The following AFF3 variants were observed in gnomAD, a reference collection of about 807,000 sequenced individuals.
AFF3 encodes AF4/FMR2 family member 3.
In AFF3, 32 loss-of-function variants were observed where a neutral mutation model predicts 129.7. The observed-to-expected ratio is 0.25, with a 90% CI of 0.19 to 0.33. The LOEUF (loss-of-function observed/expected upper bound fraction) is 0.33, where lower values mean the gene tolerates loss of function less well. Ranked by LOEUF, AFF3 falls within the 10% of genes least tolerant of loss-of-function variation. The pLI, the probability that AFF3 is intolerant of heterozygous loss-of-function variation, is 1.00. For missense variants in AFF3, 1,373 were observed against 1,592.0 expected (o/e 0.86, Z 2.34); for synonymous variants, 644 against 635.4 (o/e 1.01, Z -0.20).
intron 8 of AFF3, among the ~76,000 whole-genome samples, chr2:99,766,560 TTCTC>T (rs1226760272): frequency 1.3e-5 from 2 of 152,214 alleles, no homozygotes; most frequent in Non-Finnish European, 2.9e-5. Context: ...TTTCTTTTCT[TTCTC>T]CTTTTTCAGA....
chr2:99,633,937 T>C (rs1683369604), intron 13 of AFF3, among the ~76,000 whole-genome samples: 1 of 136,378 alleles, frequency 7.3e-6, no homozygotes, highest in East Asian at 2.2e-4. Flanking sequence ...TTTTTTGAGA[T>C]GGAGTCTCGC....
chr2:100,121,147 A>G (rs1287926531), intron 2 of AFF3, among the ~76,000 whole-genome samples: 2 of 152,186 alleles, frequency 1.3e-5, no homozygotes, highest in African/African-American at 4.8e-5. Context: ...CCACAGCCCA[A>G]AGTGAGAACT....
At chr2:99,585,053 G>A (rs932617713) in intron 16 of AFF3, among the ~76,000 whole-genome samples, 4 of 152,206 alleles carry the variant, frequency 2.6e-5, no homozygotes, top group Non-Finnish European at 5.9e-5. Context: ...GCTGTGTCAC[G>A]CAAAAGTGCT....
chr2:100,026,322 G>T (rs1019501031), intron 4 of AFF3, among the ~76,000 whole-genome samples: 5 of 152,120 alleles, frequency 3.3e-5, no homozygotes, highest in South Asian at 2.1e-4. Flanking sequence ...AATGATCAGG[G>T]AAATGCAAAT....
rs748447630 is a variant in AFF3 at position 100,006,638 on chromosome 2, C to A, written c.867G>T (p.Gln289His). ...AKLSKFSIPK[Q>H]GEESRSGETN... ...GGTGCTGATAAAGACTCACCTCCCC[C>A]TGCTTGGGGATGCTGAACTTGGAGA... Residue 289 changes from glutamine (Q) to histidine (H), a missense_variant, in exon 7 of 25, where the codon CAG (glutamine) becomes CAT (histidine). Physicochemically the swap from Gln to His is conservative, Grantham distance 24 (BLOSUM62 0). Transcript: ENST00000672756. The A allele has an allele frequency of 2.4e-5, 39 of 1,605,046 alleles. No homozygotes were observed. The highest frequency in any genetic ancestry group is 3.2e-5 in the Non-Finnish European group (38 of 1,172,894).
chr2:99,884,573 AT>A (rs10716607), intron 7 of AFF3, among the ~76,000 whole-genome samples: 65,613 of 150,896 alleles, frequency 0.43, 14,552 homozygotes, highest in East Asian at 0.52. Context: ...TAATTTTTGT[AT>A]TTTTTTTTTG....
chr2:99,884,016 T>C (rs1160860083), intron 7 of AFF3, among the ~76,000 whole-genome samples: 1 of 152,194 alleles, frequency 6.6e-6, no homozygotes, highest in African/African-American at 2.4e-5. Flanking sequence ...AGGAAATTTG[T>C]GTGCAGTCAC....
At chr2:100,066,037 G>A (rs774118407) in intron 4 of AFF3, among the ~76,000 whole-genome samples, 6 of 152,202 alleles carry the variant, frequency 3.9e-5, no homozygotes, top group Non-Finnish European at 7.3e-5. Flanking sequence ...ATATAGTGGT[G>A]AAATTCCCAA....
chr2:100,028,897 C>G (rs1020512163), intron 4 of AFF3, among the ~76,000 whole-genome samples: 7 of 152,082 alleles, frequency 4.6e-5, no homozygotes, highest in Admixed American at 1.3e-4. Context: ...TAATATGATT[C>G]AATAATCCTC....
chr2:100,093,471 T>C (rs1690035304), intron 4 of AFF3, among the ~76,000 whole-genome samples: 1 of 152,038 alleles, frequency 6.6e-6, no homozygotes, highest in Non-Finnish European at 1.5e-5. Flanking sequence ...TTTATGTAAC[T>C]AATTATTTAC....
At chr2:100,083,666 T>C (rs1559113590) in intron 4 of AFF3, among the ~76,000 whole-genome samples, 1 of 152,102 alleles carries the variant, frequency 6.6e-6, no homozygotes, top group Non-Finnish European at 1.5e-5. Context: ...ACGGCTGCCT[T>C]TGGGAGTCTG....
chr2:100,052,810 A>G (rs1347260121), intron 4 of AFF3, among the ~76,000 whole-genome samples: 2 of 152,268 alleles, frequency 1.3e-5, no homozygotes, highest in Non-Finnish European at 2.9e-5. Context: ...AGGGCAGGAC[A>G]GGGCGCTGCA....
In AFF3 at chr2:99,781,755, G is replaced by A. The variant is rs555043551; in HGVS notation, c.922-29454C>T. The stretch of plus-strand genomic sequence containing the variant: ...ACATTTGCTCGATGAATAAATGAAT[G>A]AATGAATGAAATAAAAGAAGAAACC... On this transcript the variant is annotated intron_variant, in intron 8 of 24. Coordinates refer to ENST00000672756, the MANE Select transcript of AFF3 (RefSeq NM_001386135.1). Among the ~76,000 whole-genome samples the A allele has an allele frequency of 2.0e-5, 3 of 152,286 alleles. No homozygotes were observed. The East Asian group carries it at 5.8e-4, about 29-fold the overall frequency.
chr2:99,764,799 C>T (rs945188996), intron 8 of AFF3, among the ~76,000 whole-genome samples: 4 of 152,146 alleles, frequency 2.6e-5, no homozygotes, highest in Admixed American at 6.5e-5. Context: ...AACTTCACCA[C>T]GGAGTCCCTG....
intron 11 of AFF3, among the ~76,000 whole-genome samples, chr2:99,724,249 T>TCA (rs1490227354): frequency 1.4e-5 from 2 of 140,432 alleles, no homozygotes; most frequent in Non-Finnish European, 3.0e-5. Context: ...CTCTAACTCC[T>TCA]CACTTCAGTG....
At chr2:99,623,355 T>C (rs1310174535) in intron 13 of AFF3, among the ~76,000 whole-genome samples, 1 of 152,124 alleles carries the variant, frequency 6.6e-6, no homozygotes, top group Non-Finnish European at 1.5e-5. Context: ...TCTTCTATGG[T>C]CTGTCAATTG....
intron 7 of AFF3, among the ~76,000 whole-genome samples, chr2:99,869,019 G>T (rs2105951816): frequency 7.1e-6 from 1 of 140,564 alleles, no homozygotes; most frequent in African/African-American, 2.5e-5. Context: ...TCGAACTCCT[G>T]GCCTCAAGTG....
Position 100,049,752 on chromosome 2 carries a change from G to A in AFF3, c.54-40820C>T, listed in dbSNP as rs1359157024. ...ATTTTTTAAACTTTTCTATATACTTGAAATTTTAAAAAATCACAGTTGGGA... is the reference window on the plus strand; with the variant it reads ...ATTTTTTAAACTTTTCTATATACTTAAAATTTTAAAAAATCACAGTTGGGA... On this transcript the variant is annotated intron_variant, in intron 4 of 24. Coordinates refer to ENST00000672756, the MANE Select transcript of AFF3 (RefSeq NM_001386135.1). Among the ~76,000 whole-genome samples, 41 of 152,082 alleles carry A rather than the reference G, an allele frequency of 2.7e-4. 2 individuals carry two copies. Among genetic ancestry groups the A allele is most frequent in the Non-Finnish European group, 1.5e-5 (1 of 68,010 alleles).
chr2:99,960,380 C>T lies in AFF3; in HGVS notation c.873+46252G>A, dbSNP rs188821292. On this transcript the variant is annotated intron_variant, in intron 7 of 24. Transcript: ENST00000672756. ...CTGGTCATAAATAACGTCACACATT[C>T]TTAACTGTTAAAAAAAAAAAGTACC... Among the ~76,000 whole-genome samples the T allele has an allele frequency of 2.7e-3, 408 of 151,710 alleles. 1 individual carries two copies. Among genetic ancestry groups the T allele is most frequent in the Admixed American group, 5.5e-3 (84 of 15,236 alleles).
Sources: gnomAD v4.1 joint callset for allele counts (sites outside exome capture counted in the v4.1 genomes callset) on GRCh38, gnomAD v4.1.1 for gene constraint, MANE v1.5 for transcripts, NCBI Gene and HGNC (gene_info 2026-07-23, HGNC 2026-07-21) for gene names.